The following CACNA1E variants were observed in gnomAD, a reference collection of about 807,000 sequenced individuals.
CACNA1E encodes voltage-dependent R-type calcium channel subunit alpha-1E.
CACNA1E carries 40 observed loss-of-function variants against 259.2 expected under a neutral mutation model. The ratio of observed to expected loss-of-function variants is 0.15; its 90% CI spans 0.12 to 0.20. The LOEUF (loss-of-function observed/expected upper bound fraction) is 0.20, where lower values mean the gene tolerates loss of function less well. Among genes scored for constraint, CACNA1E ranks in the 10% least tolerant of loss-of-function variants. CACNA1E has a pLI of 1.00. For missense variants in CACNA1E, 1,874 were observed against 3,040.1 expected (o/e 0.62, Z 9.02); for synonymous variants, 1,104 against 1,138.5 (o/e 0.97, Z 0.61).
At chr1:181,432,243 T>A (rs554650343) in intron 2 of CACNA1E, among the ~76,000 whole-genome samples, 26 of 152,292 alleles carry the variant, frequency 1.7e-4, no homozygotes, top group Admixed American at 5.2e-4. Flanking sequence ...CAAGAGACCT[T>A]CCTGAAGCCA....
intron 1 of CACNA1E, among the ~76,000 whole-genome samples, chr1:181,331,521 A>G (rs181787425): frequency 6.6e-6 from 1 of 152,290 alleles, no homozygotes; most frequent in Non-Finnish European, 1.5e-5. Context: ...TTTGTTCTAT[A>G]CAAGCCTTCA....
rs1398710723 is a variant in CACNA1E, at chr1:181,793,755, A to C, written c.5989A>C (p.Arg1997=). ...CACCCAGGAGCATGCGGGATCTGGG[A>C]GGGCATCTTCTATGCCACGTCTGAC... ...SDTQEHAGSG[R]ASSMPRLTVD... The change falls in exon 45 of 48, where the codon AGG becomes CGG. Residue 1997 remains arginine (R), a synonymous_variant. Transcript: ENST00000367573. 1.9e-6 allele frequency: 3 copies of C among 1,611,864 alleles called. No homozygotes were observed. The highest frequency in any genetic ancestry group is 2.5e-6 in the Non-Finnish European group (3 of 1,179,462).
intron 1 of CACNA1E, among the ~76,000 whole-genome samples, chr1:181,357,088 C>T (rs1383853626): frequency 2.0e-5 from 3 of 152,028 alleles, no homozygotes; most frequent in Admixed American, 6.6e-5. Context: ...CCATTGAATT[C>T]GCTCCCTTCC....
At chr1:181,702,749 C>T (rs1652396213) in intron 7 of CACNA1E, among the ~76,000 whole-genome samples, 1 of 152,174 alleles carries the variant, frequency 6.6e-6, no homozygotes, top group Non-Finnish European at 1.5e-5. Context: ...CTCACTTCCT[C>T]ACATCTCTCA....
In CACNA1E at chr1:181,720,783, G is replaced by A. The variant is rs757963897; in HGVS notation, c.1884G>A (p.Arg628=). The change falls in exon 15 of 48, where the codon AGG becomes AGA. Residue 628 remains arginine, a splice_region_variant and synonymous_variant. Coordinates refer to ENST00000367573, the MANE Select transcript of CACNA1E (RefSeq NM_001205293.3). ...TATTTTCTCTAATTTTGTTTTTCAGGTTTAACTTTAATGATGGGACTCCTT... is the reference window on the plus strand; with the variant it reads ...TATTTTCTCTAATTTTGTTTTTCAGATTTAACTTTAATGATGGGACTCCTT... ...ALLGMQLFGG[R]FNFNDGTPSA... is the part of the protein sequence containing the mutation. 6.3e-7 allele frequency: 1 copy of A among 1,587,490 alleles called. No individual in the cohort carries two copies. Among genetic ancestry groups the A allele is most frequent in the Non-Finnish European group, 8.6e-7 (1 of 1,157,794 alleles).
At chr1:181,604,348 T>A (rs746210238) in intron 6 of CACNA1E, among the ~76,000 whole-genome samples, 2 of 152,150 alleles carry the variant, frequency 1.3e-5, no homozygotes, top group Non-Finnish European at 2.9e-5. Context: ...ATATAACACA[T>A]AGAACTTTCC....
intron 6 of CACNA1E, among the ~76,000 whole-genome samples, chr1:181,600,010 G>A (rs1037529666): frequency 6.6e-6 from 1 of 152,230 alleles, no homozygotes; most frequent in Non-Finnish European, 1.5e-5. Flanking sequence ...AGGTAGTGAT[G>A]AGTCATATGA....
At chr1:181,422,479 C>T (rs1047045916) in intron 2 of CACNA1E, among the ~76,000 whole-genome samples, 12 of 152,192 alleles carry the variant, frequency 7.9e-5, no homozygotes, top group African/African-American at 2.7e-4. Flanking sequence ...CCAGGGTCAG[C>T]CCCTGGGGTG....
At chr1:181,318,051 A>G (rs1230725489) in exon 1 of CACNA1E, 1 of 150,770 alleles carries the variant, frequency 6.6e-6, no homozygotes. Flanking sequence ...TTTTAAAATA[A>G]TTCAGTGATG....
intron 6 of CACNA1E, among the ~76,000 whole-genome samples, chr1:181,589,809 G>A (rs1652451099): frequency 6.6e-6 from 1 of 152,186 alleles, no homozygotes. Context: ...CCATGATACT[G>A]GATTGTAGCC....
At chr1:181,722,440 G>A (rs557738867) in intron 16 of CACNA1E, among the ~76,000 whole-genome samples, 2 of 152,270 alleles carry the variant, frequency 1.3e-5, no homozygotes, top group South Asian at 4.1e-4. Context: ...ATTGTAAAGG[G>A]AAACTAAAGT....
intron 1 of CACNA1E, among the ~76,000 whole-genome samples, chr1:181,325,608 G>A (rs935764333): frequency 2.0e-5 from 3 of 152,122 alleles, no homozygotes; most frequent in Non-Finnish European, 4.4e-5. Context: ...TGAGTGTGGA[G>A]CATCCAGCAT....
At chr1:181,784,958 G>A (rs1359499781) in intron 41 of CACNA1E, among the ~76,000 whole-genome samples, 190 bp downstream of exon 41, 2 of 152,156 alleles carry the variant, frequency 1.3e-5, no homozygotes, top group African/African-American at 4.8e-5. Context: ...GAGACTTCCT[G>A]GGTGTATAGC....
At chr1:181,566,725 A>G (rs1485219250) in intron 3 of CACNA1E, among the ~76,000 whole-genome samples, 1 of 152,206 alleles carries the variant, frequency 6.6e-6, no homozygotes, top group East Asian at 1.9e-4. Flanking sequence ...CCCAGTGTGA[A>G]TAGGGACTAA....
intron 25 of CACNA1E, among the ~76,000 whole-genome samples, chr1:181,749,393 G>A (rs1488136441): frequency 6.6e-6 from 1 of 152,138 alleles, no homozygotes. Context: ...TGTGCAGTTG[G>A]GTGGATTTCA....
rs926533574 is a variant in CACNA1E, at chr1:181,376,841, C to T, written c.-14-36292C>T. ...TTAGACCCATTAAAGAGTCTGGAAACTGGCACTGGAGTTTTGTGGCCTTTG... is the reference window on the plus strand; with the variant it reads ...TTAGACCCATTAAAGAGTCTGGAAATTGGCACTGGAGTTTTGTGGCCTTTG... On this transcript the variant is annotated intron_variant, in intron 1 of 11. Coordinates refer to the CACNA1E transcript ENST00000524607. 3.6e-5 allele frequency among the ~76,000 whole-genome samples: 4 copies of T among 112,176 alleles called. No homozygotes were observed. The Admixed American group carries it at 3.6e-4, about 10-fold the overall frequency. 73.6% of individuals were successfully genotyped at this position (112,176 alleles called of 152,430 possible). A position where few individuals can be genotyped will look rare whatever the true frequency, so the allele number is the denominator to read the frequency against.
At chr1:181,745,356 T>G (rs1246929458) in intron 25 of CACNA1E, 1 of 493,312 alleles carries the variant, frequency 2.0e-6, no homozygotes, top group Non-Finnish European at 4.0e-6. Context: ...ATTAACAGCA[T>G]GAAATTGGGA....
intron 2 of CACNA1E, among the ~76,000 whole-genome samples, chr1:181,444,229 T>C (rs2102308632): frequency 6.6e-6 from 1 of 152,100 alleles, no homozygotes; most frequent in Middle Eastern, 3.4e-3. Flanking sequence ...AGCAATCCAG[T>C]GAGCATCTGG....
At chr1:181,535,757 A>G (rs1668123549) in intron 3 of CACNA1E, among the ~76,000 whole-genome samples, 1 of 149,716 alleles carries the variant, frequency 6.7e-6, no homozygotes, top group Non-Finnish European at 1.5e-5. Flanking sequence ...GTGCAATCTC[A>G]GTTCACTGCA....
Sources: gnomAD v4.1 joint callset for allele counts (sites outside exome capture counted in the v4.1 genomes callset) on GRCh38, gnomAD v4.1.1 for gene constraint, MANE v1.5 for transcripts, NCBI Gene and HGNC (gene_info 2026-07-23, HGNC 2026-07-21) for gene names.